Variants in STRN3 observed in about 807,000 individuals in gnomAD.
STRN3 encodes striatin 3.
Under a neutral mutation model 95.6 loss-of-function variants are expected in STRN3, and 29 were observed. The ratio of observed to expected loss-of-function variants is 0.30; its 90% CI spans 0.23 to 0.41. The LOEUF (loss-of-function observed/expected upper bound fraction) is 0.41. STRN3 is among the 10% of genes least tolerant of loss of function. STRN3 has a pLI of 1.00. For synonymous variants in STRN3, 331 were observed against 357.6 expected, an observed-to-expected ratio of 0.93 and a Z score of 0.84; for missense variants, 890 against 972.1, an observed-to-expected ratio of 0.92 and a Z score of 1.12.
chr14:30,933,280 TAAAAAAAAAAAAA>T (rs35736582), intron 7 of STRN3, among the ~76,000 whole-genome samples: 3 of 22,780 alleles, frequency 1.3e-4, no homozygotes, highest in Non-Finnish European at 2.5e-4. Flanking sequence ...CCCTGTTTCA[TAAAAAAAAAAAAA>T]AAAAAAAAAA....
Position 30,988,313 on chromosome 14 carries a change from T to G in STRN3, c.283-32071A>C, listed in dbSNP as rs145955263. On this transcript the variant is annotated intron_variant, in intron 1 of 17. Coordinates refer to ENST00000357479, the MANE Select transcript of STRN3 (RefSeq NM_001083893.2). ...ATCAACCAAACTCTGACCCTTATACTCAAACTAAAATTAATAAACAAAAAG... is the reference window on the plus strand; with the variant it reads ...ATCAACCAAACTCTGACCCTTATACGCAAACTAAAATTAATAAACAAAAAG... Among the ~76,000 whole-genome samples the G allele has an allele frequency of 5.7e-3, 870 of 152,256 alleles. 7 individuals are homozygous for G. Among genetic ancestry groups the G allele is most frequent in the Middle Eastern group, 0.031 (9 of 294 alleles).
At chr14:30,928,849 A>ATAC (rs1162341282) in intron 8 of STRN3, among the ~76,000 whole-genome samples, 2 of 151,880 alleles carry the variant, frequency 1.3e-5, no homozygotes, top group East Asian at 3.9e-4. Flanking sequence ...GTTTATAGCT[A>ATAC]TACTCTATGT....
At chr14:30,912,685 A>C (rs1896640740) in intron 10 of STRN3, among the ~76,000 whole-genome samples, 1 of 152,166 alleles carries the variant, frequency 6.6e-6, no homozygotes, top group African/African-American at 2.4e-5. Context: ...ATAATTCTTG[A>C]TATTGACAGA....
At chr14:30,915,272 C>T (rs1896709468) in intron 9 of STRN3, among the ~76,000 whole-genome samples, 1 of 152,048 alleles carries the variant, frequency 6.6e-6, no homozygotes, top group African/African-American at 2.4e-5. Context: ...AGACACAATT[C>T]ATATATATAC....
At chr14:30,929,135 G>T in intron 8 of STRN3, 66 bp downstream of exon 8, 1 of 1,349,592 alleles carries the variant, frequency 7.4e-7, no homozygotes, top group Non-Finnish European at 1.0e-6. Flanking sequence ...CAAAGAAACA[G>T]AATTGAAGAA....
rs761304632 is a variant in STRN3 at position 30,895,589 on chromosome 14, G to A, written c.2225-9C>T. 6.2e-7 allele frequency: 1 copy of A among 1,610,204 alleles called. No individual in the cohort carries two copies. Among genetic ancestry groups the A allele is most frequent in the African/African-American group, 1.3e-5 (1 of 74,688 alleles). ...GATGGAACAGTCATGGCCTGTAAAA[G>A]AACAAATAAAATTTGTTACTGAGTA... On this transcript the variant is annotated splice_polypyrimidine_tract_variant and intron_variant, in intron 17 of 17. Coordinates refer to ENST00000357479, the MANE Select transcript of STRN3 (RefSeq NM_001083893.2).
chr14:31,012,457 G>A (rs1883011994), intron 1 of STRN3, among the ~76,000 whole-genome samples: 1 of 152,182 alleles, frequency 6.6e-6, no homozygotes. Context: ...GTTTGAGGCA[G>A]CAAGACTGAC....
At position 30,944,566 on chromosome 14, in the gene STRN3, TATATACACACACAGACACACGCAC is replaced by T. The variant is rs1879263657; in HGVS notation, c.716+2500_716+2523del. 1.1e-4 allele frequency among the ~76,000 whole-genome samples: 8 copies of T among 72,724 alleles called. No homozygotes were observed. The South Asian group carries it at 3.4e-3, about 31-fold the overall frequency. 47.7% of individuals were successfully genotyped at this position (72,724 alleles called of 152,430 possible). A position where few individuals can be genotyped will look rare whatever the true frequency, so the allele number is the denominator to read the frequency against. On this transcript the variant is annotated intron_variant, in intron 5 of 17. Coordinates refer to ENST00000357479, the MANE Select transcript of STRN3 (RefSeq NM_001083893.2). ...GTATATATACACGTATATATATATA[TATATACACACACAGACACACGCAC>T]ATACATATATATATACACATATATA...
chr14:31,013,006 C>T (rs1182043446), intron 1 of STRN3, among the ~76,000 whole-genome samples: 2 of 152,058 alleles, frequency 1.3e-5, no homozygotes, highest in African/African-American at 4.8e-5. Context: ...TGCCTATAAT[C>T]CCAGCACTTT....
At chr14:30,907,108 A>G in intron 13 of STRN3, 64 bp from the exon 14 acceptor site, 1 of 1,560,262 alleles carries the variant, frequency 6.4e-7, no homozygotes. Flanking sequence ...TTTGATACAT[A>G]AAGAAAACTT....
At chr14:30,958,807 A>G (rs564155611) in intron 1 of STRN3, among the ~76,000 whole-genome samples, 1 of 152,338 alleles carries the variant, frequency 6.6e-6, no homozygotes, top group South Asian at 2.1e-4. Flanking sequence ...AGTATTTCCT[A>G]TTAGAATCTT....
At chr14:31,020,316 T>C (rs1361342985) in intron 1 of STRN3, among the ~76,000 whole-genome samples, 1 of 149,966 alleles carries the variant, frequency 6.7e-6, no homozygotes, top group African/African-American at 2.5e-5. Flanking sequence ...CTGGCCAACA[T>C]GGTGAAACTC....
chr14:31,014,365 C>T (rs1883137405), intron 1 of STRN3, among the ~76,000 whole-genome samples: 2 of 152,052 alleles, frequency 1.3e-5, no homozygotes, highest in South Asian at 2.1e-4. Context: ...GAACTACAGG[C>T]GCGTTGACAC....
chr14:31,024,045 G>A, intron 1 of STRN3, among the ~76,000 whole-genome samples: 1 of 152,154 alleles, frequency 6.6e-6, no homozygotes, highest in East Asian at 1.9e-4. Flanking sequence ...CTGTTAAGGA[G>A]ACCTAGAAGG....
At position 30,905,532 on chromosome 14, in the gene STRN3, A is replaced by G. The variant is rs139028007; in HGVS notation, c.1915T>C (p.Phe639Leu). The change falls in exon 15 of 18, where the codon TTT (phenylalanine) becomes CTT (leucine). Residue 639 changes from phenylalanine to leucine, a missense_variant. This residue lies in a region of STRN3 where 357 missense variants were observed against 422.8 expected (regional missense o/e 0.84). Coordinates refer to ENST00000357479, the MANE Select transcript of STRN3 (RefSeq NM_001083893.2). ...KKHGIPTSVD[F>L]IGCDPAHMVT... ...ATATGAGCTGGATCACAGCCTATAA[A>G]GTCAACTGATGTAGGTATTCCATGC... 1,190 of 1,605,782 alleles carry G rather than the reference A, an allele frequency of 7.4e-4. No individual in the cohort carries two copies. Among genetic ancestry groups the G allele is most frequent in the Admixed American group, 1.0e-3 (59 of 58,626 alleles).
In STRN3 at chr14:30,912,146, T is replaced by G; in HGVS notation, c.1411A>C (p.Asn471His). The change falls in exon 11 of 18, where the codon AAT (asparagine) becomes CAT (histidine). Residue 471 changes from asparagine (N) to histidine (H), a missense_variant. Physicochemically the swap from Asn to His is moderately conservative, Grantham distance 68. Coordinates refer to ENST00000357479, the MANE Select transcript of STRN3 (RefSeq NM_001083893.2). Reference protein sequence around the residue: ...ANKDAFRKTWNPKYTLRSHFD... With the variant: ...ANKDAFRKTWHPKYTLRSHFD... ...TGGCTACGTAGTGTATACTTGGGAT[T>G]CCATGTCTTTCGAAAGGCATCTTTA... 1 of 1,610,564 alleles carries G rather than the reference T, an allele frequency of 6.2e-7. No homozygotes were observed. The highest frequency in any genetic ancestry group is 8.5e-7 in the Non-Finnish European group (1 of 1,179,196).
chr14:30,898,600 G>C, intron 16 of STRN3, among the ~76,000 whole-genome samples: 1 of 152,118 alleles, frequency 6.6e-6, no homozygotes. Flanking sequence ...TTGTATGTTG[G>C]GCTTTCACTG....
At chr14:31,006,277 G>T (rs1882709419) in intron 1 of STRN3, among the ~76,000 whole-genome samples, 1 of 152,122 alleles carries the variant, frequency 6.6e-6, no homozygotes, top group Non-Finnish European at 1.5e-5. Flanking sequence ...AATCTAGGCT[G>T]GGTATGGTGG....
intron 1 of STRN3, among the ~76,000 whole-genome samples, chr14:31,024,013 C>G (rs1475798971): frequency 6.6e-6 from 1 of 152,142 alleles, no homozygotes; most frequent in African/African-American, 2.4e-5. Flanking sequence ...CAAAAGGAAT[C>G]TACCTTAAAA....
Sources: gnomAD v4.1 joint callset for allele counts (sites outside exome capture counted in the v4.1 genomes callset) on GRCh38, gnomAD v4.1.1 for gene constraint, gnomAD v4.1.1 regional missense constraint, MANE v1.5 for transcripts, NCBI Gene and HGNC (gene_info 2026-07-23, HGNC 2026-07-21) for gene names.